The following CDK14 variants were observed in gnomAD, a reference collection of about 807,000 sequenced individuals.
The protein encoded by CDK14 is cyclin-dependent kinase 14.
A neutral mutation model predicts 60.7 loss-of-function variants in CDK14; 34 were observed. The ratio of observed to expected loss-of-function variants is 0.56; its 90% CI spans 0.43 to 0.75. The LOEUF (loss-of-function observed/expected upper bound fraction) is 0.75. Ranked by LOEUF, CDK14 falls within the 30% of genes least tolerant of loss-of-function variation. The pLI is 0.00. For synonymous variants in CDK14, 197 were observed against 203.7 expected, an observed-to-expected ratio of 0.97 and a Z score of 0.28; for missense variants, 482 against 564.1, an observed-to-expected ratio of 0.85 and a Z score of 1.47.
chr7:91,160,692 A>G (rs944471211), intron 14 of CDK14, among the ~76,000 whole-genome samples: 2 of 152,012 alleles, frequency 1.3e-5, no homozygotes, highest in East Asian at 3.9e-4. Flanking sequence ...CTCTGTTTCA[A>G]ACTCCTTTTA....
intron 2 of CDK14, among the ~76,000 whole-genome samples, chr7:90,669,292 T>G (rs1161710540): frequency 6.6e-6 from 1 of 152,078 alleles, no homozygotes; most frequent in Non-Finnish European, 1.5e-5. Context: ...TGTTTCTGCC[T>G]TCTGTGCCCC....
intron 12 of CDK14, among the ~76,000 whole-genome samples, chr7:91,086,297 C>T (rs1798637221): frequency 6.6e-6 from 1 of 152,194 alleles, no homozygotes; most frequent in Admixed American, 6.5e-5. Context: ...CAAAGAACAT[C>T]AAGCAGACAT....
chr7:90,696,259 G>T (rs1434452012), intron 2 of CDK14, among the ~76,000 whole-genome samples: 1 of 152,076 alleles, frequency 6.6e-6, no homozygotes, highest in Non-Finnish European at 1.5e-5. Context: ...ATTGAGATGG[G>T]GGAATATCGG....
intron 10 of CDK14, among the ~76,000 whole-genome samples, chr7:91,022,932 T>A (rs964220234): frequency 6.6e-6 from 1 of 152,196 alleles, no homozygotes; most frequent in Non-Finnish European, 1.5e-5. Context: ...AGCTTCTCAC[T>A]ATGGTCTCTT....
chr7:90,668,220 A>G (rs1217638734), intron 2 of CDK14, among the ~76,000 whole-genome samples: 1 of 152,170 alleles, frequency 6.6e-6, no homozygotes, highest in Non-Finnish European at 1.5e-5. Context: ...AGTGGATGTG[A>G]AGTGACATGT....
intron 6 of CDK14, among the ~76,000 whole-genome samples, chr7:90,880,444 T>G (rs1440300849): frequency 1.3e-5 from 2 of 152,134 alleles, no homozygotes; most frequent in African/African-American, 2.4e-5. Flanking sequence ...TCCCTGGACC[T>G]GAAACCCTAG....
intron 2 of CDK14, chr7:90,709,261 C>T: frequency 2.1e-6 from 1 of 468,930 alleles, no homozygotes; most frequent in Non-Finnish European, 3.6e-6. Flanking sequence ...ATTTTAGCAG[C>T]TTTTGCAGCA....
At chr7:90,856,108 A>G (rs1790810037) in intron 5 of CDK14, among the ~76,000 whole-genome samples, 1 of 152,178 alleles carries the variant, frequency 6.6e-6, no homozygotes, top group African/African-American at 2.4e-5. Flanking sequence ...AACTTACATG[A>G]TATTTTAAAA....
chr7:90,698,099 A>G (rs1213834218), intron 2 of CDK14, among the ~76,000 whole-genome samples: 3 of 151,358 alleles, frequency 2.0e-5, no homozygotes, highest in Admixed American at 6.6e-5. Context: ...AGAAAAAGAA[A>G]AAAAGTGTTG....
At chr7:90,785,193 T>A (rs1805526377) in intron 4 of CDK14, among the ~76,000 whole-genome samples, 1 of 152,214 alleles carries the variant, frequency 6.6e-6, no homozygotes, top group Non-Finnish European at 1.5e-5. Context: ...TTATTTTGGG[T>A]ATATTGCTTT....
intron 12 of CDK14, among the ~76,000 whole-genome samples, chr7:91,091,721 AGAAGGAAG>A (rs869034752): frequency 1.6e-4 from 17 of 103,812 alleles, no homozygotes; most frequent in South Asian, 1.1e-3. Context: ...AGGGAAGGAA[AGAAGGAAG>A]GAAGGAAGGA....
intron 6 of CDK14, among the ~76,000 whole-genome samples, chr7:90,873,882 C>T (rs1791460501): frequency 6.6e-6 from 1 of 152,134 alleles, no homozygotes; most frequent in Non-Finnish European, 1.5e-5. Flanking sequence ...CTGCCACCCT[C>T]CCAGTCTCCC....
At chr7:91,205,641 A>G (rs1369828417) in intron 14 of CDK14, among the ~76,000 whole-genome samples, 1 of 152,214 alleles carries the variant, frequency 6.6e-6, no homozygotes, top group Non-Finnish European at 1.5e-5. Context: ...TTGTGAATGC[A>G]CTAAATGCCA....
intron 5 of CDK14, among the ~76,000 whole-genome samples, chr7:90,837,658 G>A (rs946811128): frequency 6.6e-6 from 1 of 152,128 alleles, no homozygotes; most frequent in Non-Finnish European, 1.5e-5. Context: ...CCTGGCCAGA[G>A]TATCAGAGAT....
At chr7:90,771,429 C>T (rs1358428385) in intron 4 of CDK14, among the ~76,000 whole-genome samples, 2 of 152,100 alleles carry the variant, frequency 1.3e-5, no homozygotes, top group African/African-American at 2.4e-5. Flanking sequence ...GAGTTCTTGT[C>T]TTATGACCAA....
At chr7:91,201,551 ACAGT>A (rs2077743313) in intron 14 of CDK14, among the ~76,000 whole-genome samples, 1 of 152,004 alleles carries the variant, frequency 6.6e-6, no homozygotes, top group African/African-American at 2.4e-5. Flanking sequence ...ACAACAAAAC[ACAGT>A]CAAACAAACG....
At chr7:91,181,413 AT>A (rs772934661) in intron 14 of CDK14, among the ~76,000 whole-genome samples, 6 of 151,830 alleles carry the variant, frequency 4.0e-5, no homozygotes, top group South Asian at 2.1e-4. Flanking sequence ...TTTAGGTTTA[AT>A]TTTTTTTAAG....
intron 12 of CDK14, among the ~76,000 whole-genome samples, chr7:91,104,433 G>C (rs114809474): frequency 1.9e-4 from 29 of 152,280 alleles, no homozygotes; most frequent in African/African-American, 7.0e-4. Flanking sequence ...ATGCCTGAAT[G>C]TTCTTTGTGA....
intron 3 of CDK14, among the ~76,000 whole-genome samples, chr7:90,736,344 G>GCTTTTTTTTTTT (rs1563063351): frequency 2.7e-4 from 11 of 41,018 alleles, no homozygotes; most frequent in Non-Finnish European, 4.6e-4. Context: ...ACTTTATTAT[G>GCTTTTTTTTTTT]TTTTTGTTTT....
Sources: gnomAD v4.1 joint callset for allele counts (sites outside exome capture counted in the v4.1 genomes callset) on GRCh38, gnomAD v4.1.1 for gene constraint, MANE v1.5 for transcripts, NCBI Gene and HGNC (gene_info 2026-07-23, HGNC 2026-07-21) for gene names.